The following MAP3K15 variants were observed in gnomAD, a reference collection of about 807,000 sequenced individuals.
The protein encoded by MAP3K15 is mitogen-activated protein kinase kinase kinase 15.
A neutral mutation model predicts 99.5 loss-of-function variants in MAP3K15; 124 were observed. That is an observed-to-expected ratio of 1.25 (90% confidence interval 1.08 to 1.45). The LOEUF (loss-of-function observed/expected upper bound fraction) is 1.45, where lower values mean the gene tolerates loss of function less well. MAP3K15 is among the 40% of genes most tolerant of loss of function. The pLI, the probability that MAP3K15 is intolerant of heterozygous loss-of-function variation, is 0.00. For synonymous variants in MAP3K15, 494 were observed against 439.6 expected, an observed-to-expected ratio of 1.12 and a Z score of -1.55; for missense variants, 1,242 against 1,079.7, an observed-to-expected ratio of 1.15 and a Z score of -2.11.
At chrX:19,458,101 C>T (rs1189951417) in intron 5 of MAP3K15, among the ~76,000 whole-genome samples, 1 of 112,192 alleles carries the variant, frequency 8.9e-6, no homozygotes, top group Non-Finnish European at 1.9e-5. Context: ...TGCTGACAGC[C>T]AGCCATGGTC....
intron 9 of MAP3K15, 43 bp downstream of exon 9, chrX:19,425,488 C>A (rs760251256): frequency 8.9e-7 from 1 of 1,127,997 alleles, no homozygotes; most frequent in Non-Finnish European, 1.2e-6. Flanking sequence ...AGAACAAGAT[C>A]ATGTATTGAG....
chrX:19,451,801 T>C (rs2064041008), intron 6 of MAP3K15, among the ~76,000 whole-genome samples: 2 of 109,973 alleles, frequency 1.8e-5, no homozygotes, highest in South Asian at 7.7e-4. Flanking sequence ...TGGTGGTTCA[T>C]GCCTGTAATC....
intron 9 of MAP3K15, among the ~76,000 whole-genome samples, chrX:19,423,256 G>A (rs998093443): frequency 9.9e-5 from 11 of 111,435 alleles, no homozygotes; most frequent in African/African-American, 3.6e-4. Context: ...TACAAGGCAA[G>A]TTAGAGAAAT....
In MAP3K15 at chrX:19,415,233, GT is replaced by G; in HGVS notation, c.1463del (p.Asn488ThrfsTer4). 1 of 1,177,297 alleles carries G rather than the reference GT, an allele frequency of 8.5e-7. No individual in the cohort carries two copies. Among genetic ancestry groups the G allele is most frequent in the Non-Finnish European group, 1.1e-6 (1 of 883,851 alleles). ...TCTTGAAGCGCCGAATTAGTAACAA[GT>G]TCTGAACTAATGATCGCAGGTACCT... ...PVWYLRSLVQ[N>X]LLLIRRFKKT... On this transcript the variant is annotated frameshift_variant, in exon 10 of 29. Transcript: ENST00000338883. LOFTEE classifies it high-confidence loss of function.
intron 1 of MAP3K15, among the ~76,000 whole-genome samples, chrX:19,505,747 CTTT>C (rs573926654): frequency 6.2e-5 from 6 of 96,187 alleles, no homozygotes; most frequent in Admixed American, 1.1e-4. Context: ...AATCTCTTTT[CTTT>C]TTTTTTTTTT....
intron 18 of MAP3K15, 32 bp from the exon 19 acceptor site, chrX:19,380,309 T>C (rs370417542): frequency 6.7e-6 from 8 of 1,196,382 alleles, no homozygotes; most frequent in Non-Finnish European, 9.0e-6. Flanking sequence ...AGGCTGTGGG[T>C]ACCATATTGC....
intron 14 of MAP3K15, among the ~76,000 whole-genome samples, chrX:19,398,799 A>G (rs2063586216): frequency 9.0e-6 from 1 of 111,708 alleles, no homozygotes; most frequent in South Asian, 3.8e-4. Context: ...TCTTAATACA[A>G]AAAGTAAATA....
chrX:19,416,004 G>C (rs2063731383), intron 9 of MAP3K15, among the ~76,000 whole-genome samples: 1 of 111,664 alleles, frequency 9.0e-6, no homozygotes, highest in African/African-American at 3.3e-5. Context: ...TGTTGCTATT[G>C]TGGTGAGCTC....
Position 19,361,505 on chromosome X carries a change from CTT to C in MAP3K15, c.3766_3767del (p.Lys1256AspfsTer3). ...DWLRLQGADA[K>X]TIEKIVEEGY... is the part of the protein sequence containing the mutation. ...GTTGTAAATTTACCTTTTCAATTGT[CTT>C]TGCATCAGCTCCTTGCAGCCGCAAC... On this transcript the variant is annotated frameshift_variant, in exon 27 of 29. Coordinates refer to ENST00000338883, the MANE Select transcript of MAP3K15 (RefSeq NM_001001671.4). LOFTEE classifies it high-confidence loss of function. The C allele has an allele frequency of 8.3e-7, 1 of 1,210,154 alleles. No homozygotes were observed. The highest frequency in any genetic ancestry group is 1.1e-6 in the Non-Finnish European group (1 of 893,953).
intron 7 of MAP3K15, among the ~76,000 whole-genome samples, chrX:19,428,067 G>C (rs993243066): frequency 2.7e-5 from 3 of 111,710 alleles, no homozygotes; most frequent in Admixed American, 9.5e-5. Context: ...CTTAGGGGCA[G>C]AGAAGATCTG....
chrX:19,436,198 T>G (rs193293196), intron 6 of MAP3K15, among the ~76,000 whole-genome samples: 22 of 109,234 alleles, frequency 2.0e-4, no homozygotes, highest in African/African-American at 7.0e-4. Flanking sequence ...TTCAATCACC[T>G]AGGAGCTTAA....
intron 4 of MAP3K15, among the ~76,000 whole-genome samples, chrX:19,460,749 TTTTG>T (rs1320669135): frequency 9.2e-6 from 1 of 108,833 alleles, no homozygotes; most frequent in Non-Finnish European, 1.9e-5. Context: ...TGTTCTGTTT[TTTTG>T]TTTTTTTGTT....
chrX:19,441,621 A>AT (rs926405541), intron 6 of MAP3K15, among the ~76,000 whole-genome samples: 11 of 109,474 alleles, frequency 1.0e-4, no homozygotes, highest in African/African-American at 3.4e-4. Context: ...TGCCTGGTTA[A>AT]TTTTTTTGTA....
intron 3 of MAP3K15, among the ~76,000 whole-genome samples, chrX:19,465,426 C>G (rs919401051): frequency 9.1e-6 from 1 of 110,252 alleles, no homozygotes; most frequent in Non-Finnish European, 1.9e-5. Context: ...CTTGTGGGTA[C>G]CAGCTATTGG....
intron 18 of MAP3K15, among the ~76,000 whole-genome samples, chrX:19,385,530 G>C (rs980245281): frequency 9.0e-6 from 1 of 110,580 alleles, no homozygotes; most frequent in African/African-American, 3.3e-5. Flanking sequence ...ATCATTGGGG[G>C]TCATTTTGGA....
intron 3 of MAP3K15, among the ~76,000 whole-genome samples, chrX:19,465,834 T>TGG (rs970900834): frequency 4.8e-5 from 5 of 104,534 alleles, no homozygotes; most frequent in Non-Finnish European, 9.9e-5. Context: ...TGTAGGGGTG[T>TGG]GTGTGTGTGT....
At chrX:19,413,877 G>T (rs1205907631) in intron 10 of MAP3K15, among the ~76,000 whole-genome samples, 1 of 108,169 alleles carries the variant, frequency 9.2e-6, no homozygotes, top group Non-Finnish European at 1.9e-5. Context: ...AGAAGAAGGA[G>T]GCCAAAGGAA....
chrX:19,466,956 C>A (rs1185846186), intron 3 of MAP3K15, among the ~76,000 whole-genome samples: 2 of 111,109 alleles, frequency 1.8e-5, no homozygotes, highest in African/African-American at 6.6e-5. Context: ...TGGCCCAACA[C>A]AAATTTGTAA....
chrX:19,438,969 G>A (rs956734433), intron 6 of MAP3K15, among the ~76,000 whole-genome samples: 4 of 112,019 alleles, frequency 3.6e-5, no homozygotes, highest in African/African-American at 6.5e-5. Context: ...AGGCCGAGAC[G>A]GGCAGATCAC....
Sources: gnomAD v4.1 joint callset for allele counts (sites outside exome capture counted in the v4.1 genomes callset) on GRCh38, gnomAD v4.1.1 for gene constraint, MANE v1.5 for transcripts, NCBI Gene and HGNC (gene_info 2026-07-23, HGNC 2026-07-21) for gene names.